Variants in PARP16 observed in about 807,000 individuals in gnomAD.
The protein encoded by PARP16 is protein mono-ADP-ribosyltransferase PARP16.
PARP16 carries 31 observed loss-of-function variants against 35.0 expected under a neutral mutation model. That is an observed-to-expected ratio of 0.88 (90% CI 0.66 to 1.19). The LOEUF is 1.19. Ranked by LOEUF, PARP16 falls within the 50% of genes most tolerant of loss-of-function variation. The pLI is 0.00. For synonymous variants in PARP16, 162 were observed against 169.5 expected (o/e 0.96, Z 0.34); for missense variants, 424 against 411.2 (o/e 1.03, Z -0.27).
chr15:65,260,943 T>C lies in PARP16; in HGVS notation c.775A>G (p.Asn259Asp), dbSNP rs766592554. 13 of 1,613,970 alleles carry C rather than the reference T, an allele frequency of 8.1e-6. No homozygotes were observed. The highest frequency in any genetic ancestry group is 1.1e-5 in the Non-Finnish European group (13 of 1,179,960). Residue 259 changes from asparagine to aspartate, a missense_variant, in exon 5 of 6, where the codon AAT becomes GAT. Physicochemically the swap from Asn to Asp is conservative, Grantham distance 23. Transcript: ENST00000649807. The stretch of plus-strand genomic sequence containing the variant: ...TACTTCACTCGCAGCAGCTGGTTAT[T>C]GGTGACCACGAAGTACTTGGGAGGG... The part of the protein sequence containing the change: ...DIPPKYFVVT[N>D]NQLLRVKYLL...
intron 2 of PARP16, among the ~76,000 whole-genome samples, chr15:65,250,905 C>A (rs1295641565): frequency 6.6e-6 from 1 of 152,082 alleles, no homozygotes. Context: ...TCTCACTCTG[C>A]TGCCCAGGCT....
Position 65,272,580 on chromosome 15 carries a change from C to T in PARP16, c.175-1508G>A, listed in dbSNP as rs556914144. On this transcript the variant is annotated intron_variant, in intron 1 of 5. Transcript: ENST00000649807. ...AAGAATACCCCTTCCCCCACCTCTACTACCCAGGCACTTCTGATCCAAGAG... is the reference window on the plus strand; with the variant it reads ...AAGAATACCCCTTCCCCCACCTCTATTACCCAGGCACTTCTGATCCAAGAG... Among the ~76,000 whole-genome samples, 372 of 152,332 alleles carry T rather than the reference C, an allele frequency of 2.4e-3. 4 individuals are homozygous for T. The highest frequency in any genetic ancestry group is 8.5e-3 in the African/African-American group (352 of 41,576).
intron 3 of PARP16, among the ~76,000 whole-genome samples, chr15:65,235,197 C>T (rs1012031797): frequency 2.0e-5 from 3 of 151,126 alleles, no homozygotes; most frequent in Admixed American, 1.3e-4. Context: ...GTCCCAGCTA[C>T]TTGGGAGGCT....
Position 65,270,989 on chromosome 15 carries a change from C to G in PARP16, c.258G>C (p.Val86=). ...GGACCTTTGAGGATAAAATCCAGCT[C>G]ACCAGGTCCCAGGCCCGTTTGTGGT... is the stretch of plus-strand genomic sequence containing the variant. The part of the protein sequence containing the change: ...GDNHKRAWDL[V]SWILSSKVLT... Residue 86 remains valine, a synonymous_variant, in exon 2 of 6, where the codon GTG becomes GTC. Coordinates refer to ENST00000649807, the MANE Select transcript of PARP16 (RefSeq NM_001316943.2). 1 of 1,614,058 alleles carries G rather than the reference C, an allele frequency of 6.2e-7. No individual in the cohort carries two copies. The highest frequency in any genetic ancestry group is 8.5e-7 in the Non-Finnish European group (1 of 1,179,964).
chr15:65,282,966 A>C (rs1401766442), intron 1 of PARP16, among the ~76,000 whole-genome samples: 1 of 152,194 alleles, frequency 6.6e-6, no homozygotes, highest in African/African-American at 2.4e-5. Flanking sequence ...TTCAAACATT[A>C]CCTGCATAAT....
At chr15:65,265,482 G>C (rs888855069) in intron 3 of PARP16, among the ~76,000 whole-genome samples, 81 of 152,214 alleles carry the variant, frequency 5.3e-4, no homozygotes, top group African/African-American at 1.8e-3. Context: ...TATACCTGAG[G>C]GGTAAAATAA....
At chr15:65,251,484 C>T (rs1323954124) in intron 2 of PARP16, among the ~76,000 whole-genome samples, 1 of 152,154 alleles carries the variant, frequency 6.6e-6, no homozygotes, top group African/African-American at 2.4e-5. Context: ...CTCAAAACAA[C>T]GTCATCAGGA....
rs186630503 is a variant in PARP16 at position 65,272,118 on chromosome 15, A to T, written c.175-1046T>A. ...TGTGGATCTCATCTCTTTACTCCCA[A>T]GTTTTCACTTTTGGGGGCAAAGACT... On this transcript the variant is annotated intron_variant, in intron 1 of 5. Coordinates refer to ENST00000649807, the MANE Select transcript of PARP16 (RefSeq NM_001316943.2). Among the ~76,000 whole-genome samples, 429 of 152,258 alleles carry T rather than the reference A, an allele frequency of 2.8e-3. 2 individuals are homozygous for T. The highest frequency in any genetic ancestry group is 3.5e-3 in the Non-Finnish European group (235 of 68,004).
At chr15:65,279,885 T>G (rs76697289) in intron 1 of PARP16, among the ~76,000 whole-genome samples, 16 of 144,110 alleles carry the variant, frequency 1.1e-4, no homozygotes, top group African/African-American at 4.1e-4. Flanking sequence ...GACGTCAGGG[T>G]TTTTTTTTTT....
At chr15:65,267,556 G>A (rs1002859692) in intron 2 of PARP16, among the ~76,000 whole-genome samples, 6 of 150,566 alleles carry the variant, frequency 4.0e-5, no homozygotes, top group South Asian at 2.1e-4. Context: ...GCAGTGAGCC[G>A]AGATGGCGCC....
chr15:65,233,689 C>CT (rs1451879357), downstream of PARP16, among the ~76,000 whole-genome samples: 1 of 143,830 alleles, frequency 7.0e-6, no homozygotes, highest in East Asian at 2.1e-4. Flanking sequence ...TGAGCCGGGA[C>CT]TATGCCACTG....
At chr15:65,255,661 T>C (rs980839706), downstream of PARP16, among the ~76,000 whole-genome samples, 1 of 146,056 alleles carries the variant, frequency 6.8e-6, no homozygotes, top group African/African-American at 2.5e-5. Flanking sequence ...CCCACAGTCA[T>C]ATCAGGTATT....
At chr15:65,242,523 T>A (rs1193871958) in intron 3 of PARP16, among the ~76,000 whole-genome samples, 2 of 152,196 alleles carry the variant, frequency 1.3e-5, no homozygotes, top group Non-Finnish European at 2.9e-5. Context: ...CACCACTTAT[T>A]TATATCTTCT....
intron 2 of PARP16, among the ~76,000 whole-genome samples, chr15:65,268,066 C>T (rs897842111): frequency 3.3e-5 from 5 of 152,138 alleles, no homozygotes; most frequent in African/African-American, 1.2e-4. Flanking sequence ...AAAATTCCCT[C>T]TCATCCTTGT....
intron 2 of PARP16, among the ~76,000 whole-genome samples, chr15:65,250,045 C>T (rs1438918181): frequency 6.6e-6 from 1 of 151,376 alleles, no homozygotes; most frequent in East Asian, 1.9e-4. Flanking sequence ...TCTTCCTATG[C>T]CACCAGCCTA....
downstream of PARP16, among the ~76,000 whole-genome samples, chr15:65,254,210 T>A (rs1447574987): frequency 1.3e-5 from 2 of 152,124 alleles, no homozygotes; most frequent in Non-Finnish European, 2.9e-5. Flanking sequence ...AGGGCTGCAG[T>A]ATATGGACAC....
intron 1 of PARP16, 53 bp from the exon 2 acceptor site, chr15:65,271,125 C>T (rs991527995): frequency 6.3e-7 from 1 of 1,596,498 alleles, no homozygotes; most frequent in Admixed American, 1.7e-5. Context: ...CAGTGATAAT[C>T]AGGGGCCCTC....
downstream of PARP16, among the ~76,000 whole-genome samples, chr15:65,231,291 A>G (rs1339188355): frequency 5.3e-5 from 8 of 152,144 alleles, no homozygotes; most frequent in African/African-American, 1.9e-4. Flanking sequence ...TACATTTATT[A>G]ATATACTGAT....
intron 4 of PARP16, among the ~76,000 whole-genome samples, chr15:65,261,395 A>G (rs868741275): frequency 6.8e-6 from 1 of 147,328 alleles, no homozygotes; most frequent in African/African-American, 2.5e-5. Context: ...TATAAATTTT[A>G]TATATATTTT....
Sources: gnomAD v4.1 joint callset for allele counts (sites outside exome capture counted in the v4.1 genomes callset) on GRCh38, gnomAD v4.1.1 for gene constraint, MANE v1.5 for transcripts, NCBI Gene and HGNC (gene_info 2026-07-23, HGNC 2026-07-21) for gene names.